HS6ST2: variants seen among roughly 807,000 people sequenced by gnomAD.
HS6ST2 encodes the protein heparan sulfate 6-O-sulfotransferase 2.
HS6ST2 carries 17 observed loss-of-function variants against 33.0 expected under a neutral mutation model. That is an observed-to-expected ratio of 0.52 (90% CI 0.35 to 0.77). The LOEUF (loss-of-function observed/expected upper bound fraction) is 0.77. Ranked by LOEUF, HS6ST2 falls within the 30% of genes least tolerant of loss-of-function variation. The probability of loss-of-function intolerance (pLI) is 0.01; values close to 1 mark genes in which losing one functional copy is unlikely to be tolerated. For synonymous variants in HS6ST2, 248 were observed against 237.1 expected (o/e 1.05, Z -0.42); for missense variants, 519 against 551.7 (o/e 0.94, Z 0.59).
At chrX:132,880,572 G>A (rs1472901057) in intron 2 of HS6ST2, among the ~76,000 whole-genome samples, 1 of 108,914 alleles carries the variant, frequency 9.2e-6, no homozygotes, top group African/African-American at 3.3e-5. Context: ...AATCTTATCT[G>A]GGAAGATGTG....
At chrX:132,665,273 T>C (rs138393449) in intron 4 of HS6ST2, among the ~76,000 whole-genome samples, 180 of 111,652 alleles carry the variant, frequency 1.6e-3, no homozygotes, top group African/African-American at 5.6e-3. Flanking sequence ...TGGCCTCCCT[T>C]GGTGCAATTA....
intron 2 of HS6ST2, among the ~76,000 whole-genome samples, chrX:132,754,418 CTTT>C (rs774142302): frequency 2.1e-5 from 2 of 96,712 alleles, no homozygotes; most frequent in Non-Finnish European, 2.1e-5. Context: ...CCATACTGCA[CTTT>C]TTTTTTTTTT....
At chrX:132,938,123 C>A (rs1205456497) in intron 2 of HS6ST2, among the ~76,000 whole-genome samples, 3 of 105,635 alleles carry the variant, frequency 2.8e-5, no homozygotes, top group Non-Finnish European at 5.8e-5. Context: ...GATCATGCCA[C>A]TGCACTCCAC....
chrX:132,711,111 T>C (rs993526861), intron 2 of HS6ST2, among the ~76,000 whole-genome samples: 1 of 111,692 alleles, frequency 9.0e-6, no homozygotes, highest in African/African-American at 3.3e-5. Flanking sequence ...ACTCAAATGG[T>C]ACTTAGGCAA....
intron 2 of HS6ST2, chrX:132,808,763 C>T (rs959116821): frequency 1.8e-5 from 2 of 111,715 alleles, no homozygotes; most frequent in Admixed American, 9.5e-5. Context: ...ATGTGTGGGA[C>T]GCATGTGGTG....
chrX:132,635,485 C>T (rs1322273793), intron 4 of HS6ST2, among the ~76,000 whole-genome samples: 2 of 111,736 alleles, frequency 1.8e-5, no homozygotes, highest in Non-Finnish European at 3.8e-5. Flanking sequence ...AGCTCCTCCA[C>T]ATGCTACAGA....
intron 2 of HS6ST2, among the ~76,000 whole-genome samples, chrX:132,940,981 G>C (rs1017002042): frequency 9.0e-6 from 1 of 111,586 alleles, no homozygotes; most frequent in African/African-American, 3.3e-5. Flanking sequence ...CTGAAACCCC[G>C]CACCCAGTCC....
Position 132,760,832 on chromosome X carries a change from A to G in HS6ST2, c.948-52338T>C, listed in dbSNP as rs980699273. The stretch of plus-strand genomic sequence containing the variant: ...ACTTGTAAGCGTGCTTGCCTGAGGG[A>G]AAAAAAGGAATTTGAGGCCCGGGCC... On this transcript the variant is annotated intron_variant, in intron 2 of 4. Coordinates refer to ENST00000370833, the MANE Select transcript of HS6ST2 (RefSeq NM_001394073.1). 2.7e-5 allele frequency among the ~76,000 whole-genome samples: 3 copies of G among 111,361 alleles called. No homozygotes were observed. In the East Asian group the frequency reaches 8.5e-4, roughly 31 times the overall value.
chrX:132,950,614 T>A (rs1028173217), intron 2 of HS6ST2, among the ~76,000 whole-genome samples: 11 of 111,856 alleles, frequency 9.8e-5, no homozygotes, highest in Non-Finnish European at 1.9e-4. Flanking sequence ...ATTTCTTTAG[T>A]ACCAGTGAAA....
At position 132,954,776 on chromosome X, in the gene HS6ST2, G is replaced by T. The variant is rs768355676; in HGVS notation, c.947+2032C>A. ...TTTGATTAGACTAGATGCTACTGTA[G>T]TATCACCCTTTTAATAACCAAGAAA... On this transcript the variant is annotated intron_variant, in intron 2 of 4. Coordinates refer to ENST00000370833, the MANE Select transcript of HS6ST2 (RefSeq NM_001394073.1). Among the ~76,000 whole-genome samples the T allele has an allele frequency of 7.1e-5, 8 of 112,255 alleles. No homozygotes were observed. In the South Asian group the frequency reaches 3.0e-3, roughly 42 times the overall value.
chrX:132,933,866 T>C (rs906105138), intron 2 of HS6ST2, among the ~76,000 whole-genome samples: 3 of 110,995 alleles, frequency 2.7e-5, no homozygotes, highest in African/African-American at 9.8e-5. Context: ...CCAGCAAAAG[T>C]ATTTTCAAAA....
At chrX:132,775,903 T>C (rs991202549) in intron 2 of HS6ST2, among the ~76,000 whole-genome samples, 13 of 111,790 alleles carry the variant, frequency 1.2e-4, no homozygotes, top group African/African-American at 3.2e-4. Context: ...CAGCCATTTT[T>C]GTTTGTCTTA....
intron 2 of HS6ST2, among the ~76,000 whole-genome samples, chrX:132,733,604 C>T (rs1602622172): frequency 9.0e-6 from 1 of 111,410 alleles, no homozygotes; most frequent in African/African-American, 3.3e-5. Context: ...TGAAACTCTA[C>T]TTCAATTTGA....
chrX:132,828,153 A>G (rs1019225489), intron 2 of HS6ST2, among the ~76,000 whole-genome samples: 4 of 111,055 alleles, frequency 3.6e-5, no homozygotes, highest in African/African-American at 1.3e-4. Flanking sequence ...GTTTTAACTC[A>G]TCTATAGAAA....
At chrX:132,914,917 C>G (rs967553679) in intron 2 of HS6ST2, among the ~76,000 whole-genome samples, 9 of 112,696 alleles carry the variant, frequency 8.0e-5, no homozygotes, top group Admixed American at 1.9e-4. Flanking sequence ...ATTTAAACTT[C>G]AGAGAAGTCA....
chrX:132,905,703 A>T (rs1036457258), intron 2 of HS6ST2, among the ~76,000 whole-genome samples: 3 of 110,815 alleles, frequency 2.7e-5, no homozygotes, highest in Admixed American at 1.9e-4. Flanking sequence ...CACTTGAGCC[A>T]AGGAATTTGA....
chrX:132,809,459 G>T (rs1366518067), intron 2 of HS6ST2, among the ~76,000 whole-genome samples: 1 of 112,038 alleles, frequency 8.9e-6, no homozygotes, highest in East Asian at 2.8e-4. Context: ...TGACAATGTG[G>T]TTGGCACTGT....
At chrX:132,664,925 C>G (rs150469881) in intron 4 of HS6ST2, among the ~76,000 whole-genome samples, 279 of 111,763 alleles carry the variant, frequency 2.5e-3, no homozygotes, top group Non-Finnish European at 4.2e-3. Flanking sequence ...TCTACATCTC[C>G]TTAGCTTTGG....
At chrX:132,887,627 AC>A (rs1476793386) in intron 2 of HS6ST2, among the ~76,000 whole-genome samples, 2 of 112,108 alleles carry the variant, frequency 1.8e-5, no homozygotes, top group African/African-American at 6.5e-5. Context: ...TTACCATATA[AC>A]CCAGCAATTC....
Sources: gnomAD v4.1 joint callset for allele counts (sites outside exome capture counted in the v4.1 genomes callset) on GRCh38, gnomAD v4.1.1 for gene constraint, MANE v1.5 for transcripts, NCBI Gene and HGNC (gene_info 2026-07-23, HGNC 2026-07-21) for gene names.